DRICH1: variants seen among roughly 807,000 people sequenced by gnomAD.
DRICH1 encodes aspartate rich 1.
A neutral mutation model predicts 39.5 loss-of-function variants in DRICH1; 38 were observed. The observed-to-expected ratio is 0.96, with a 90% CI of 0.74 to 1.26. The LOEUF (loss-of-function observed/expected upper bound fraction) is 1.26, where lower values mean the gene tolerates loss of function less well. DRICH1 is among the 50% of genes most tolerant of loss of function. DRICH1 has a pLI of 0.00. For synonymous variants in DRICH1, 84 were observed against 99.5 expected, an observed-to-expected ratio of 0.84 and a Z score of 0.93; for missense variants, 279 against 270.4, an observed-to-expected ratio of 1.03 and a Z score of -0.22.
downstream of DRICH1, among the ~76,000 whole-genome samples, chr22:23,606,387 A>T (rs1483704293): frequency 6.6e-6 from 1 of 151,990 alleles, no homozygotes; most frequent in Non-Finnish European, 1.5e-5. Context: ...CCTGTACCCG[A>T]GCTGTGCCAT....
the DRICH1 span, among the ~76,000 whole-genome samples, chr22:23,582,349 T>C: frequency 6.6e-6 from 1 of 151,108 alleles, no homozygotes; most frequent in African/African-American, 2.4e-5. Context: ...GTCTAGATCT[T>C]TTTCATCTTG....
At chr22:23,592,394 G>A in the DRICH1 span, among the ~76,000 whole-genome samples, 3 of 109,544 alleles carry the variant, frequency 2.7e-5, no homozygotes, top group East Asian at 5.8e-4. Context: ...AGCAAGACTG[G>A]GGGGGGGCGG....
the DRICH1 span, chr22:23,581,608 T>C: frequency 2.2e-5 from 3 of 139,104 alleles, no homozygotes; most frequent in Non-Finnish European, 4.5e-5. Context: ...ATTTATCATC[T>C]TGACCTTTTT....
At chr22:23,581,693 G>A in the DRICH1 span, 59,651 of 148,908 alleles carry the variant, frequency 0.4, 14,172 homozygotes, top group East Asian at 0.79. Flanking sequence ...TGAAACCTCC[G>A]AATCCCTGGT....
chr22:23,624,428 ACT>A (rs1439824985), intron 3 of DRICH1: 2 of 783,486 alleles, frequency 2.6e-6, no homozygotes, highest in African/African-American at 3.8e-5. Context: ...AAAATAACAA[ACT>A]CAGCTTCTAT....
At position 23,630,153 on chromosome 22, in the gene DRICH1, G is replaced by A. The variant is rs115614511; in HGVS notation, c.208+1663C>T. Among the ~76,000 whole-genome samples the A allele has an allele frequency of 3.7e-3, 565 of 152,226 alleles. 4 individuals are homozygous for A. Among genetic ancestry groups the A allele is most frequent in the African/African-American group, 0.011 (448 of 41,526 alleles). Reference sequence around the variant, plus strand: ...TGCCCATGCCAACGTCTATTGTTCCGTGTACCTTTTGCTACCCAGAGTTAT... The same window carrying A: ...TGCCCATGCCAACGTCTATTGTTCCATGTACCTTTTGCTACCCAGAGTTAT... On this transcript the variant is annotated intron_variant, in intron 1 of 11. Transcript: ENST00000317749.
At chr22:23,610,187 G>A (rs1926960726) in intron 11 of DRICH1, 1 of 152,090 alleles carries the variant, frequency 6.6e-6, no homozygotes, top group African/African-American at 2.4e-5. Context: ...ATGTTTCTTT[G>A]GTCATGAGGA....
intron 5 of DRICH1, among the ~76,000 whole-genome samples, 167 bp downstream of exon 5, chr22:23,620,427 T>C (rs1039012874): frequency 1.3e-5 from 2 of 152,166 alleles, no homozygotes; most frequent in African/African-American, 4.8e-5. Flanking sequence ...CTTGGTCCTC[T>C]GGTTCACACA....
the DRICH1 span, among the ~76,000 whole-genome samples, chr22:23,588,945 T>G: frequency 6.6e-6 from 1 of 152,048 alleles, no homozygotes; most frequent in Non-Finnish European, 1.5e-5. Context: ...AACCTCCAAA[T>G]AAAGCCACTA....
chr22:23,582,053 C>A, the DRICH1 span, among the ~76,000 whole-genome samples: 3 of 140,416 alleles, frequency 2.1e-5, no homozygotes, highest in Non-Finnish European at 4.6e-5. Flanking sequence ...AATCTTAGCT[C>A]ATGGCAATCT....
intron 6 of DRICH1, among the ~76,000 whole-genome samples, chr22:23,618,399 C>CTGGGATTA (rs1434154390): frequency 1.3e-5 from 2 of 151,930 alleles, no homozygotes; most frequent in African/African-American, 2.4e-5. Context: ...CAGGGGTGAG[C>CTGGGATTA]CACCGCACCC....
intron 2 of DRICH1, 84 bp from the exon 3 acceptor site, chr22:23,624,988 C>G: frequency 6.9e-7 from 1 of 1,446,890 alleles, no homozygotes; most frequent in East Asian, 2.3e-5. Flanking sequence ...CTCTTGATGA[C>G]TTCAGAAAAC....
At chr22:23,594,087 G>A in the DRICH1 span, among the ~76,000 whole-genome samples, 1 of 152,150 alleles carries the variant, frequency 6.6e-6, no homozygotes, top group Admixed American at 6.6e-5. Context: ...GGAGAAGAGA[G>A]AGGAAGGAAC....
the DRICH1 span, among the ~76,000 whole-genome samples, chr22:23,597,150 G>T: frequency 0.26 from 25,055 of 96,350 alleles, 4,057 homozygotes; most frequent in East Asian, 0.37. Context: ...TTTCCTTCCT[G>T]CCTTGCCTCC....
At chr22:23,612,199 T>C (rs1386629927) in intron 11 of DRICH1, among the ~76,000 whole-genome samples, 1 of 152,062 alleles carries the variant, frequency 6.6e-6, no homozygotes, top group East Asian at 1.9e-4. Context: ...GGCATGGTGA[T>C]ACATGCCTAT....
At chr22:23,620,657 T>C in intron 4 of DRICH1, 42 bp from the exon 5 acceptor site, 1 of 1,607,294 alleles carries the variant, frequency 6.2e-7, no homozygotes, top group Non-Finnish European at 8.5e-7. Context: ...ATCAGATCAA[T>C]TCTGCTGCAC....
At chr22:23,630,271 A>G (rs1231799379) in intron 1 of DRICH1, among the ~76,000 whole-genome samples, 2 of 150,568 alleles carry the variant, frequency 1.3e-5, no homozygotes, top group Non-Finnish European at 3.0e-5. Context: ...AGGTGCTGGA[A>G]CTCCCTGGTG....
chr22:23,612,507 T>C (rs1489174142), intron 11 of DRICH1, among the ~76,000 whole-genome samples: 3 of 143,798 alleles, frequency 2.1e-5, no homozygotes, highest in Non-Finnish European at 4.5e-5. Context: ...AGAACTTAAG[T>C]GATGAATAGC....
chr22:23,601,060 A>G, the DRICH1 span, among the ~76,000 whole-genome samples: 1 of 152,194 alleles, frequency 6.6e-6, no homozygotes, highest in Non-Finnish European at 1.5e-5. Flanking sequence ...TTATGTTTAA[A>G]CAAAAATTTG....
Sources: allele counts gnomAD v4.1 joint callset (sites outside exome capture counted in the v4.1 genomes callset), GRCh38; gene constraint gnomAD v4.1.1; transcripts MANE v1.5; gene names NCBI Gene and HGNC (gene_info 2026-07-23, HGNC 2026-07-21).